Variants in DPH6 observed in about 807,000 individuals in gnomAD.
The protein encoded by DPH6 is diphthine--ammonia ligase.
A neutral mutation model predicts 38.2 loss-of-function variants in DPH6; 33 were observed. The ratio of observed to expected loss-of-function variants is 0.86; its 90% CI spans 0.65 to 1.15. The LOEUF is 1.15. DPH6 is among the 50% of genes most tolerant of loss of function. The pLI, the probability that DPH6 is intolerant of heterozygous loss-of-function variation, is 0.00. For synonymous variants in DPH6, 108 were observed against 103.0 expected (o/e 1.05, Z -0.30); for missense variants, 325 against 320.0 (o/e 1.02, Z -0.12).
rs2053356270 is a variant in DPH6 at position 35,410,819 on chromosome 15, T to C, written c.567+16A>G. 6.3e-7 allele frequency: 1 copy of C among 1,578,104 alleles called. No individual in the cohort carries two copies. The highest frequency in any genetic ancestry group is 2.3e-5 in the East Asian group (1 of 42,924). ...CTTTAGATGGCTACATTTTGAGATC[T>C]AGTATAAATTCTTACCTCTATGAGA... On this transcript the variant is annotated intron_variant, in intron 6 of 8. Transcript: ENST00000256538.
chr15:35,512,724 C>T (rs1204648243), intron 3 of DPH6, among the ~76,000 whole-genome samples: 1 of 151,828 alleles, frequency 6.6e-6, no homozygotes, highest in African/African-American at 2.4e-5. Context: ...GTTTCAGATA[C>T]ATTAAAAAAA....
At chr15:35,417,517 T>A (rs16960872) in intron 5 of DPH6, among the ~76,000 whole-genome samples, 1 of 142,022 alleles carries the variant, frequency 7.0e-6, no homozygotes, top group African/African-American at 2.7e-5. Flanking sequence ...AGAAACATTT[T>A]AAAAAAAGTC....
At chr15:35,153,209 C>T in the DPH6 span, among the ~76,000 whole-genome samples, 1 of 152,066 alleles carries the variant, frequency 6.6e-6, no homozygotes, top group African/African-American at 2.4e-5. Flanking sequence ...TGAGCAGTTG[C>T]TGAGAATGTA....
At chr15:35,523,873 T>C (rs2054960460) in intron 3 of DPH6, among the ~76,000 whole-genome samples, 1 of 152,078 alleles carries the variant, frequency 6.6e-6, no homozygotes, top group African/African-American at 2.4e-5. Context: ...CCAAATCAAT[T>C]CAATTTAGGG....
chr15:35,203,425 T>C, the DPH6 span, among the ~76,000 whole-genome samples: 1 of 151,756 alleles, frequency 6.6e-6, no homozygotes, highest in Non-Finnish European at 1.5e-5. Context: ...TATTCCCCAT[T>C]TGACCCACGT....
intron 4 of DPH6, among the ~76,000 whole-genome samples, chr15:35,452,443 G>A (rs1404112173): frequency 2.0e-5 from 3 of 151,630 alleles, no homozygotes; most frequent in African/African-American, 7.3e-5. Flanking sequence ...AGCGTCCCTA[G>A]CATCTGTAAG....
At chr15:35,486,173 C>G (rs1277662672) in intron 3 of DPH6, among the ~76,000 whole-genome samples, 2 of 151,692 alleles carry the variant, frequency 1.3e-5, no homozygotes, top group South Asian at 2.1e-4. Context: ...TGAGTGCAAG[C>G]AGGGGAAATG....
chr15:35,432,116 T>C (rs992101237), intron 5 of DPH6, among the ~76,000 whole-genome samples: 29 of 152,136 alleles, frequency 1.9e-4, no homozygotes, highest in Non-Finnish European at 1.2e-4. Context: ...GAACCACTGA[T>C]GTAATGCTAT....
At chr15:35,160,218 A>G in the DPH6 span, among the ~76,000 whole-genome samples, 1 of 152,016 alleles carries the variant, frequency 6.6e-6, no homozygotes, top group African/African-American at 2.4e-5. Flanking sequence ...TTTCTAGACC[A>G]CACATCCTAA....
the DPH6 span, among the ~76,000 whole-genome samples, chr15:35,171,160 T>C: frequency 2.6e-5 from 4 of 152,224 alleles, no homozygotes; most frequent in Non-Finnish European, 5.9e-5. Context: ...TCACATTCCA[T>C]TTGAAAACCC....
chr15:35,356,865 T>G (rs970526768), intron 3 of DPH6, among the ~76,000 whole-genome samples: 4 of 152,240 alleles, frequency 2.6e-5, no homozygotes, highest in Admixed American at 6.5e-5. Context: ...TGTTTGGCTA[T>G]GCCCTGCCCC....
chr15:35,464,649 G>A (rs916526663), intron 3 of DPH6, among the ~76,000 whole-genome samples: 11 of 152,102 alleles, frequency 7.2e-5, no homozygotes, highest in African/African-American at 2.7e-4. Context: ...TCTCCATTTG[G>A]TAGCTGACTG....
At chr15:35,251,914 T>C (rs2051677423) in intron 3 of DPH6, among the ~76,000 whole-genome samples, 1 of 152,140 alleles carries the variant, frequency 6.6e-6, no homozygotes, top group Non-Finnish European at 1.5e-5. Flanking sequence ...TGTGGCAGGT[T>C]TATCACCTGA....
At chr15:35,509,028 T>C (rs1315791732) in intron 3 of DPH6, among the ~76,000 whole-genome samples, 4 of 152,226 alleles carry the variant, frequency 2.6e-5, no homozygotes, top group Non-Finnish European at 4.4e-5. Flanking sequence ...GTATGTTTGT[T>C]TCATTTTTAT....
the DPH6 span, among the ~76,000 whole-genome samples, chr15:35,178,581 A>G: frequency 0.28 from 42,790 of 152,170 alleles, 6,704 homozygotes; most frequent in East Asian, 0.68. Context: ...GATGAGATTT[A>G]GGAGAGGACA....
intron 3 of DPH6, among the ~76,000 whole-genome samples, chr15:35,266,151 GGCT>G (rs1213822899): frequency 6.6e-6 from 1 of 152,152 alleles, no homozygotes; most frequent in Admixed American, 6.5e-5. Flanking sequence ...CCAGGGCACA[GGCT>G]GCTATTCAGT....
intron 3 of DPH6, among the ~76,000 whole-genome samples, chr15:35,347,703 C>T (rs910172858): frequency 6.7e-6 from 1 of 150,194 alleles, no homozygotes; most frequent in Non-Finnish European, 1.5e-5. Flanking sequence ...AACCGCCATA[C>T]TATTTTCCAT....
the DPH6 span, among the ~76,000 whole-genome samples, chr15:35,146,529 A>G: frequency 2.6e-5 from 4 of 152,234 alleles, no homozygotes; most frequent in Admixed American, 2.6e-4. Flanking sequence ...ATATGTTTTT[A>G]CCTTTGCATT....
At chr15:35,195,210 C>T in the DPH6 span, among the ~76,000 whole-genome samples, 4 of 152,140 alleles carry the variant, frequency 2.6e-5, no homozygotes, top group Admixed American at 6.5e-5. Flanking sequence ...AACACAATGA[C>T]CTTCAGTTCC....
Sources: allele counts gnomAD v4.1 joint callset (sites outside exome capture counted in the v4.1 genomes callset), GRCh38; gene constraint gnomAD v4.1.1; transcripts MANE v1.5; gene names NCBI Gene and HGNC (gene_info 2026-07-23, HGNC 2026-07-21).